Variants in HLA-DPB1 observed in about 807,000 individuals in gnomAD.
The protein encoded by HLA-DPB1 is HLA class II histocompatibility antigen, DP beta 1 chain.
HLA-DPB1 carries 30 observed loss-of-function variants against 29.4 expected under a neutral mutation model. The ratio of observed to expected loss-of-function variants is 1.02; its 90% confidence interval spans 0.76 to 1.38. The LOEUF (loss-of-function observed/expected upper bound fraction) is 1.38. Among genes scored for constraint, HLA-DPB1 ranks in the 40% most tolerant of loss-of-function variants. The pLI, the probability that HLA-DPB1 is intolerant of heterozygous loss-of-function variation, is 0.00. For missense variants in HLA-DPB1, 261 were observed against 327.5 expected (o/e 0.80, Z 1.57); for synonymous variants, 114 against 134.0 (o/e 0.85, Z 1.03).
chr6:33,081,682 C>G (rs1322837385), intron 2 of HLA-DPB1, among the ~76,000 whole-genome samples: 1 of 152,004 alleles, frequency 6.6e-6, no homozygotes, highest in African/African-American at 2.4e-5. Context: ...GCGGCAGGAG[C>G]TGGAATGGGA....
rs548870282 is a variant in HLA-DPB1, at chr6:33,089,082, G to A, written c.*2548G>A. On this transcript the variant is annotated 3_prime_UTR_variant, in exon 6 of 6. Transcript: ENST00000418931. The stretch of plus-strand genomic sequence containing the variant: ...GTCAAGTAGCAGTGAGGCCGAGCCA[G>A]GGGATGGTGAAAGTGGAAGGAGGTG... Among the ~76,000 whole-genome samples the A allele has an allele frequency of 1.3e-4, 20 of 152,178 alleles. No individual in the cohort carries two copies. In the South Asian group the frequency reaches 2.7e-3, roughly 21 times the overall value.
chr6:33,078,799 G>C (rs1762686683), intron 1 of HLA-DPB1, among the ~76,000 whole-genome samples: 1 of 152,178 alleles, frequency 6.6e-6, no homozygotes, highest in African/African-American at 2.4e-5. Context: ...ATTCTTGAAT[G>C]AAAAACGTTC....
rs563413276 is a variant in HLA-DPB1 at position 33,081,359 on chromosome 6, G to T, written c.364+424G>T. 746 of 185,586 alleles carry T rather than the reference G, an allele frequency of 4.0e-3. 3 individuals are homozygous for T. Among genetic ancestry groups the T allele is most frequent in the African/African-American group, 0.017 (706 of 42,290 alleles). 11.5% of individuals were successfully genotyped at this position (185,586 alleles called of 1,614,324 possible). On this transcript the variant is annotated intron_variant, in intron 2 of 5. Transcript: ENST00000418931. ...GTCTGATGGGCAGGTAGACAGAAGG[G>T]TCTGCAGCCGGGGAGGAGACTGAGA...
chr6:33,086,352 C>G, intron 5 of HLA-DPB1, 110 bp downstream of exon 5: 1 of 911,020 alleles, frequency 1.1e-6, no homozygotes, highest in Non-Finnish European at 1.9e-6. Context: ...CAGGCATGAA[C>G]CCCTCTTTCA....
chr6:33,082,226 A>G (rs1762899883), intron 2 of HLA-DPB1: 1 of 152,252 alleles, frequency 6.6e-6, no homozygotes, highest in Non-Finnish European at 1.5e-5. Context: ...AAAAACTGTT[A>G]CTAAGACTTT....
At chr6:33,086,095 C>A in intron 4 of HLA-DPB1, 124 bp from the exon 5 acceptor site, 1 of 946,398 alleles carries the variant, frequency 1.1e-6, no homozygotes, top group South Asian at 1.4e-5. Context: ...GTCCCAAGTA[C>A]TCAGGCTCCT....
Position 33,080,023 on chromosome 6 carries a change from T to C in HLA-DPB1, c.101-649T>C, listed in dbSNP as rs1222119483. ...TTTCCACATCTTTTGACACCAAGTCTTTCTGCAGCCATGTTTGAAAATTAA... is the reference window on the plus strand; with the variant it reads ...TTTCCACATCTTTTGACACCAAGTCCTTCTGCAGCCATGTTTGAAAATTAA... On this transcript the variant is annotated intron_variant, in intron 1 of 5. Transcript: ENST00000418931. The surrounding 1 kb of genome is among the most constrained non-coding windows in gnomAD (Gnocchi z 4.3). Among the ~76,000 whole-genome samples, 1 of 152,226 alleles carries C rather than the reference T, an allele frequency of 6.6e-6. No homozygotes were observed. The highest frequency in any genetic ancestry group is 2.4e-5 in the African/African-American group (1 of 41,456).
Position 33,087,275 on chromosome 6 carries a change from C to T in HLA-DPB1, c.*741C>T, listed in dbSNP as rs1353705946. ...TGGACTTTTGAATGCATCCAATAGA[C>T]GTCATTTGTCGTCTAAGTCTGCATT... On this transcript the variant is annotated 3_prime_UTR_variant, in exon 6 of 6. Transcript: ENST00000418931. The T allele has an allele frequency of 6.6e-6, 1 of 152,116 alleles. No homozygotes were observed. Among genetic ancestry groups the T allele is most frequent in the Non-Finnish European group, 1.5e-5 (1 of 67,940 alleles). The allele number at this position is 152,116 out of a possible 1,614,324, so 9.4% of individuals were successfully genotyped here.
chr6:33,088,200 G>A lies in HLA-DPB1; in HGVS notation c.*1666G>A, dbSNP rs550164894. Among the ~76,000 whole-genome samples the A allele has an allele frequency of 3.1e-4, 47 of 152,274 alleles. No homozygotes were observed. The highest frequency in any genetic ancestry group is 1.1e-3 in the African/African-American group (44 of 41,546). On this transcript the variant is annotated 3_prime_UTR_variant, in exon 6 of 6. Coordinates refer to ENST00000418931, the MANE Select transcript of HLA-DPB1 (RefSeq NM_002121.6). ...GAGAATAGCAGAAAGTCTTCAAATC[G>A]AGATCATTATGAAATCCTCAGACCC... is the stretch of plus-strand genomic sequence containing the variant.
At chr6:33,085,913 G>A (rs754310205) in intron 4 of HLA-DPB1, 24 bp downstream of exon 4, 10 of 1,447,436 alleles carry the variant, frequency 6.9e-6, no homozygotes, top group African/African-American at 2.8e-5. Flanking sequence ...CAGGGTGAGC[G>A]GGACTTACCT....
chr6:33,086,094 A>G (rs9277483), intron 4 of HLA-DPB1, 125 bp from the exon 5 acceptor site: 253,965 of 918,880 alleles, frequency 0.28, 43,305 homozygotes, highest in East Asian at 0.59. Context: ...GGTCCCAAGT[A>G]CTCAGGCTCC....
chr6:33,076,725 G>A (rs913849349), intron 1 of HLA-DPB1, among the ~76,000 whole-genome samples: 4 of 152,164 alleles, frequency 2.6e-5, no homozygotes, highest in African/African-American at 9.7e-5. Flanking sequence ...GGGTACTAGA[G>A]TGGGTTGCGA....
At chr6:33,082,600 G>A (rs1469300842) in intron 2 of HLA-DPB1, among the ~76,000 whole-genome samples, 1 of 152,212 alleles carries the variant, frequency 6.6e-6, no homozygotes, top group African/African-American at 2.4e-5. Flanking sequence ...GGCTAGAGGA[G>A]GGACCAGAGG....
chr6:33,078,480 G>A (rs2150369480), intron 1 of HLA-DPB1, among the ~76,000 whole-genome samples: 1 of 152,252 alleles, frequency 6.6e-6, no homozygotes, highest in Middle Eastern at 3.4e-3. Context: ...GAAAAGCTTG[G>A]CTGAGACAAC....
At chr6:33,079,818 C>A in intron 1 of HLA-DPB1, 1 of 452,460 alleles carries the variant, frequency 2.2e-6, no homozygotes, top group South Asian at 1.7e-5. Flanking sequence ...CCATCAGAGT[C>A]ACCAACCCCA....
In HLA-DPB1 at chr6:33,088,592, A is replaced by G. The variant is rs1290687313; in HGVS notation, c.*2058A>G. On this transcript the variant is annotated 3_prime_UTR_variant, in exon 6 of 6. Transcript: ENST00000418931. ...GCAGTGCAGAGACAGGTCCCAGAGGAGACAAGAGCTGAGAGACCATCCAAA... is the reference window on the plus strand; with the variant it reads ...GCAGTGCAGAGACAGGTCCCAGAGGGGACAAGAGCTGAGAGACCATCCAAA... Among the ~76,000 whole-genome samples the G allele has an allele frequency of 2.0e-5, 3 of 150,032 alleles. No individual in the cohort carries two copies. Among genetic ancestry groups the G allele is most frequent in the African/African-American group, 7.5e-5 (3 of 39,936 alleles).
At position 33,076,967 on chromosome 6, in the gene HLA-DPB1, C is replaced by T. The variant is rs376955699; in HGVS notation, c.100+826C>T. Among the ~76,000 whole-genome samples the T allele has an allele frequency of 3.5e-3, 538 of 151,916 alleles. 3 individuals are homozygous for T. The highest frequency in any genetic ancestry group is 0.026 in the East Asian group (132 of 5,170). ...TAAGTTCTAGGGTACATGTGCACAA[C>T]GTGCAGGTTTGTTACATATGTATAC... On this transcript the variant is annotated intron_variant, in intron 1 of 5. Coordinates refer to ENST00000418931, the MANE Select transcript of HLA-DPB1 (RefSeq NM_002121.6).
intron 3 of HLA-DPB1, among the ~76,000 whole-genome samples, 170 bp downstream of exon 3, chr6:33,085,401 TC>T (rs1763053143): frequency 6.6e-6 from 1 of 152,216 alleles, no homozygotes; most frequent in Non-Finnish European, 1.5e-5. Flanking sequence ...AATGGAGACT[TC>T]CTGACCTTGG....
chr6:33,076,624 T>G (rs1345607178), intron 1 of HLA-DPB1, among the ~76,000 whole-genome samples: 1 of 152,046 alleles, frequency 6.6e-6, no homozygotes, highest in Non-Finnish European at 1.5e-5. Flanking sequence ...CTTGGACAAT[T>G]AAGGAGAGAA....
Sources: allele counts gnomAD v4.1 joint callset (sites outside exome capture counted in the v4.1 genomes callset), GRCh38; gene constraint gnomAD v4.1.1; non-coding constraint Gnocchi (gnomAD v3.1); transcripts MANE v1.5; gene names NCBI Gene and HGNC (gene_info 2026-07-23, HGNC 2026-07-21).